The following SNED1 variants were observed in gnomAD, a reference collection of about 807,000 sequenced individuals.
The protein encoded by SNED1 is sushi, nidogen and EGF like domains 1.
A neutral mutation model predicts 166.7 loss-of-function variants in SNED1; 81 were observed. That is an observed-to-expected ratio of 0.49 (90% CI 0.41 to 0.58). The LOEUF is 0.58. SNED1 is among the 20% of genes least tolerant of loss of function. The pLI is 0.00. For synonymous variants in SNED1, 762 were observed against 822.0 expected (o/e 0.93, Z 1.25); for missense variants, 1,604 against 2,000.2 (o/e 0.80, Z 3.78).
intron 1 of SNED1, among the ~76,000 whole-genome samples, chr2:241,027,706 C>T (rs1306511084): frequency 6.6e-6 from 1 of 150,890 alleles, no homozygotes. Context: ...TTCTCCACAT[C>T]TTCACCAACC....
At chr2:241,005,501 G>A (rs1271621042) in intron 1 of SNED1, among the ~76,000 whole-genome samples, 4 of 152,112 alleles carry the variant, frequency 2.6e-5, no homozygotes, top group Non-Finnish European at 5.9e-5. Flanking sequence ...ACCATGCCTG[G>A]CCCAGATTTC....
At position 241,036,887 on chromosome 2, in the gene SNED1, G is replaced by C. The variant is rs776363318; in HGVS notation, c.903G>C (p.Ser301=). ...CCTCCTACACCTGCTCCTGCCTCTC[G>C]GGCTTCACGGGGCGGAGGTGCCACC... ...GNPSYTCSCL[S]GFTGRRCHLD... Residue 301 remains serine (S), a synonymous_variant, in exon 5 of 32, where the codon TCG becomes TCC. Transcript: ENST00000310397. The C allele has an allele frequency of 6.2e-7, 1 of 1,611,354 alleles. No homozygotes were observed. The highest frequency in any genetic ancestry group is 1.1e-5 in the South Asian group (1 of 90,984).
intron 27 of SNED1, among the ~76,000 whole-genome samples, chr2:241,076,171 G>A (rs2063011296): frequency 1.3e-5 from 2 of 152,160 alleles, no homozygotes; most frequent in South Asian, 4.2e-4. Context: ...ACACTCTATG[G>A]AAAAGGCCTT....
At chr2:241,038,035 C>G (rs1265681932) in intron 6 of SNED1, among the ~76,000 whole-genome samples, 1 of 151,790 alleles carries the variant, frequency 6.6e-6, no homozygotes, top group Non-Finnish European at 1.5e-5. Flanking sequence ...GGCCCCTCAC[C>G]CATGCCCTTC....
At chr2:241,002,219 C>G (rs1559205928) in intron 1 of SNED1, among the ~76,000 whole-genome samples, 1 of 152,158 alleles carries the variant, frequency 6.6e-6, no homozygotes, top group African/African-American at 2.4e-5. Flanking sequence ...GTGTGGTCGC[C>G]AGCTCCAAGC....
intron 4 of SNED1, among the ~76,000 whole-genome samples, chr2:241,036,359 C>T (rs2061368811): frequency 6.6e-6 from 1 of 151,942 alleles, no homozygotes; most frequent in Non-Finnish European, 1.5e-5. Flanking sequence ...AGCCCTCCTG[C>T]AGCCCCCAGC....
rs1255672370 is a variant in SNED1, at chr2:241,082,355, G to A, written c.4112G>A (p.Cys1371Tyr). ...TTTCCAGTCTGGGAGGGAGGCGTCT[G>A]TCACCACGTGTAAGTTGGTTTCTGT... is the stretch of plus-strand genomic sequence containing the variant. Reference protein sequence around the residue: ...KAFPVWEGGVCHHVYKRVYRV... With the variant: ...KAFPVWEGGVYHHVYKRVYRV... The change falls in exon 29 of 32, where the codon TGT (cysteine) becomes TAT (tyrosine). Residue 1371 changes from cysteine to tyrosine, a missense_variant. By Grantham distance (194) the Cys-to-Tyr change is radical. Coordinates refer to ENST00000310397, the MANE Select transcript of SNED1 (RefSeq NM_001080437.3). The A allele has an allele frequency of 6.2e-7, 1 of 1,613,050 alleles. No individual in the cohort carries two copies. Among genetic ancestry groups the A allele is most frequent in the East Asian group, 2.2e-5 (1 of 44,866 alleles).
At chr2:241,003,481 C>A (rs13387569) in intron 1 of SNED1, among the ~76,000 whole-genome samples, 3 of 152,262 alleles carry the variant, frequency 2.0e-5, no homozygotes, top group Non-Finnish European at 2.9e-5. Flanking sequence ...CAGCACATTT[C>A]TGCACCGTGT....
intron 8 of SNED1, 77 bp downstream of exon 8, chr2:241,040,490 C>A: frequency 1.1e-6 from 1 of 894,968 alleles, no homozygotes; most frequent in Non-Finnish European, 1.7e-6. Flanking sequence ...GCCACTTTCC[C>A]CTTCCTTCCT....
At chr2:241,081,014 C>T (rs1468986099) in intron 27 of SNED1, among the ~76,000 whole-genome samples, 2 of 152,168 alleles carry the variant, frequency 1.3e-5, no homozygotes, top group East Asian at 3.9e-4. Flanking sequence ...GTGCAAGGCC[C>T]GTGGGGACTT....
rs778368879 is a variant in SNED1 at position 241,053,199 on chromosome 2, C to T, written c.2130C>T (p.Arg710=). 3.1e-6 allele frequency: 5 copies of T among 1,611,058 alleles called. No individual in the cohort carries two copies. The highest frequency in any genetic ancestry group is 1.7e-4 in the Middle Eastern group (1 of 6,010). ...PPEEVKHATL[R]FNGTRLGAVA... is the part of the protein sequence containing the mutation. ...AGGAGGTGAAGCACGCCACACTGCG[C>T]TTCAACGGCACGCGGCTGGGCGCGG... Residue 710 remains arginine, a synonymous_variant, in exon 16 of 32, where the codon CGC becomes CGT. Transcript: ENST00000310397.
rs539448261 is a variant in SNED1 at position 241,072,761 on chromosome 2, G to T, written c.3818-505G>T. 3.2e-5 allele frequency: 6 copies of T among 189,526 alleles called. No individual in the cohort carries two copies. The South Asian group carries it at 5.2e-4, about 16-fold the overall frequency. 11.7% of individuals were successfully genotyped at this position (189,526 alleles called of 1,614,324 possible). ...TCTGGAGTACAGAGGGGGGCCCGTT[G>T]TACTTGCAGCTATGGAAGCGGATAT... is the stretch of plus-strand genomic sequence containing the variant. On this transcript the variant is annotated intron_variant, in intron 26 of 31. Coordinates refer to ENST00000310397, the MANE Select transcript of SNED1 (RefSeq NM_001080437.3).
In SNED1 at chr2:241,064,541, C is replaced by T. The variant is rs1231428528; in HGVS notation, c.2600-303C>T. ...CCTCCTGATGAGGCTTCCCTGACCACTGACCTCCCCTCCTCAAGCAGGACT... is the reference window on the plus strand; with the variant it reads ...CCTCCTGATGAGGCTTCCCTGACCATTGACCTCCCCTCCTCAAGCAGGACT... On this transcript the variant is annotated intron_variant, in intron 19 of 31. Transcript: ENST00000310397. This position sits in a 1 kb window ranked among gnomAD's most constrained non-coding sequence, Gnocchi z 7.0. 2.0e-5 allele frequency among the ~76,000 whole-genome samples: 3 copies of T among 152,212 alleles called. No individual in the cohort carries two copies. The highest frequency in any genetic ancestry group is 4.4e-5 in the Non-Finnish European group (3 of 68,036).
Position 241,070,146 on chromosome 2 carries a change from GAGCACGGAGCTCGGGCCGC to G in SNED1, c.3540_3558del (p.Glu1181AlafsTer70). ...ACCAGCTCTCTGTGATAGCAGTGCA[GAGCACGGAGCTCGGGCCGC>G]AGCACAGCGAGCCCGCCCACCTCTA... On this transcript the variant is annotated frameshift_variant, in exon 24 of 32. Coordinates refer to ENST00000310397, the MANE Select transcript of SNED1 (RefSeq NM_001080437.3). LOFTEE classifies it high-confidence loss of function. The G allele has an allele frequency of 1.2e-6, 2 of 1,610,524 alleles. No homozygotes were observed. Among genetic ancestry groups the G allele is most frequent in the South Asian group, 1.1e-5 (1 of 90,814 alleles).
chr2:241,068,127 G>A lies in SNED1; in HGVS notation c.3194+180G>A, dbSNP rs992716798. On this transcript the variant is annotated intron_variant, in intron 22 of 31. Transcript: ENST00000310397. The surrounding 1 kb of genome is among the most constrained non-coding windows in gnomAD (Gnocchi z 5.3). ...CTCAGACCCTGGAGGCTTCACTCCC[G>A]CCTCACCTCATCAGGGCTGCCAAGA... 3.3e-5 allele frequency among the ~76,000 whole-genome samples: 5 copies of A among 152,124 alleles called. No homozygotes were observed. The highest frequency in any genetic ancestry group is 7.2e-5 in the African/African-American group (3 of 41,416).
intron 16 of SNED1, among the ~76,000 whole-genome samples, chr2:241,055,116 CA>C (rs71827347): frequency 0.14 from 17,578 of 125,648 alleles, 1,636 homozygotes; most frequent in East Asian, 0.36. Flanking sequence ...GACTCTGTCT[CA>C]AAAAAAAAAA....
intron 1 of SNED1, among the ~76,000 whole-genome samples, chr2:241,024,698 G>A (rs1417104042): frequency 2.1e-5 from 1 of 47,474 alleles, no homozygotes; most frequent in African/African-American, 1.4e-4. Flanking sequence ...TTGAGACAGA[G>A]TCTCGCTCTG....
intron 1 of SNED1, among the ~76,000 whole-genome samples, chr2:241,021,198 C>T (rs1383682400): frequency 1.3e-5 from 2 of 152,174 alleles, no homozygotes; most frequent in Admixed American, 6.5e-5. Context: ...AGCTCCTTGT[C>T]AGTGCCCATT....
intron 1 of SNED1, 39 bp from the exon 2 acceptor site, chr2:241,030,245 G>A (rs1318080671): frequency 6.6e-7 from 1 of 1,512,998 alleles, no homozygotes; most frequent in Non-Finnish European, 8.9e-7. Context: ...CCTGCCCACA[G>A]CCCCCAGTCA....
Sources: allele counts gnomAD v4.1 joint callset (sites outside exome capture counted in the v4.1 genomes callset), GRCh38; gene constraint gnomAD v4.1.1; non-coding constraint Gnocchi (gnomAD v3.1); transcripts MANE v1.5; gene names NCBI Gene and HGNC (gene_info 2026-07-23, HGNC 2026-07-21).